ACSS1: variants seen among roughly 807,000 people sequenced by gnomAD.
ACSS1 encodes acetyl-coenzyme A synthetase 2-like, mitochondrial.
Under a neutral mutation model 75.3 loss-of-function variants are expected in ACSS1, and 42 were observed. The ratio of observed to expected loss-of-function variants is 0.56; its 90% CI spans 0.44 to 0.72. The LOEUF is 0.72. ACSS1 is among the 30% of genes least tolerant of loss of function. The probability of loss-of-function intolerance (pLI) is 0.00; values close to 1 mark genes in which losing one functional copy is unlikely to be tolerated. For synonymous variants in ACSS1, 380 were observed against 376.8 expected, an observed-to-expected ratio of 1.01 and a Z score of -0.10; for missense variants, 782 against 935.7, an observed-to-expected ratio of 0.84 and a Z score of 2.14.
intron 12 of ACSS1, 177 bp downstream of exon 12, chr20:25,012,424 C>A: frequency 1.3e-6 from 1 of 745,226 alleles, no homozygotes; most frequent in Non-Finnish European, 2.2e-6. Context: ...CCCGACCGAA[C>A]ACGAGTGCTA....
rs754037783 is a variant in ACSS1 at position 25,023,475 on chromosome 20, C to A, written c.798G>T (p.Pro266=). 1.9e-6 allele frequency: 3 copies of A among 1,614,070 alleles called. No homozygotes were observed. In the African/African-American group the frequency reaches 4.0e-5, roughly 22 times the overall value. Residue 266 remains proline (P), a synonymous_variant, in exon 4 of 14, where the codon CCG becomes CCT. Coordinates refer to ENST00000323482, the MANE Select transcript of ACSS1 (RefSeq NM_032501.4). ...AAGCGAGGTAACCCACCTGCTCCAG[C>A]GGGACGTCCAGATCCCCCATGTGGA... is the stretch of plus-strand genomic sequence containing the variant. ...NKVHMGDLDV[P]LEQEMAKEDP... is the part of the protein sequence containing the mutation.
chr20:25,016,919 G>A (rs964560904), intron 7 of ACSS1, among the ~76,000 whole-genome samples: 1 of 152,180 alleles, frequency 6.6e-6, no homozygotes, highest in African/African-American at 2.4e-5. Flanking sequence ...TAACTGCAGA[G>A]ACAGGGCCGA....
chr20:25,041,433 C>A (rs1464969407), intron 2 of ACSS1, among the ~76,000 whole-genome samples: 1 of 152,186 alleles, frequency 6.6e-6, no homozygotes, highest in East Asian at 1.9e-4. Flanking sequence ...GCACCGTACT[C>A]CCGGGCATAA....
intron 1 of ACSS1, among the ~76,000 whole-genome samples, chr20:25,054,893 G>A (rs2089222275): frequency 6.6e-6 from 1 of 152,248 alleles, no homozygotes; most frequent in African/African-American, 2.4e-5. Flanking sequence ...AACAAGGAGA[G>A]TGAAAGATAG....
rs775357421 is a variant in ACSS1 at position 25,013,504 on chromosome 20, A to C, written c.1579+32T>G. On this transcript the variant is annotated intron_variant, in intron 10 of 13. Transcript: ENST00000323482. The stretch of plus-strand genomic sequence containing the variant: ...ATAAGATTCCAGCAGTCAGCTGAAA[A>C]GGAATGAGAGGGTCCCTGACAGCCT... 6 of 1,557,510 alleles carry C rather than the reference A, an allele frequency of 3.9e-6. No homozygotes were observed. In the Admixed American group the frequency reaches 1.2e-4, roughly 31 times the overall value.
intron 6 of ACSS1, 97 bp from the exon 7 acceptor site, chr20:25,020,244 C>CA (rs2088597223): frequency 3.3e-6 from 5 of 1,533,948 alleles, no homozygotes; most frequent in Non-Finnish European, 4.5e-6. Context: ...TGGGCATGTG[C>CA]AGACGCGCAT....
intron 2 of ACSS1, among the ~76,000 whole-genome samples, chr20:25,035,429 A>G (rs1413633545): frequency 6.6e-6 from 1 of 150,396 alleles, no homozygotes; most frequent in Non-Finnish European, 1.5e-5. Context: ...TTTTTGAGAT[A>G]GAGTCTCACT....
chr20:25,015,879 A>G (rs1325410037), intron 7 of ACSS1, among the ~76,000 whole-genome samples: 1 of 152,178 alleles, frequency 6.6e-6, no homozygotes, highest in Non-Finnish European at 1.5e-5. Flanking sequence ...TACAACCAAT[A>G]CAACTACTCT....
At chr20:25,039,265 A>C (rs1367147155) in intron 2 of ACSS1, among the ~76,000 whole-genome samples, 1 of 152,144 alleles carries the variant, frequency 6.6e-6, no homozygotes, top group Admixed American at 6.5e-5. Flanking sequence ...GCAGGATTCA[A>C]ACCCAGGCCC....
intron 2 of ACSS1, among the ~76,000 whole-genome samples, chr20:25,039,390 C>T (rs1013845326): frequency 2.6e-5 from 4 of 152,212 alleles, no homozygotes; most frequent in African/African-American, 7.2e-5. Flanking sequence ...ATTCATGTAA[C>T]ATTTTTCTTG....
At chr20:25,027,063 C>A (rs987984629) in intron 3 of ACSS1, among the ~76,000 whole-genome samples, 1 of 152,226 alleles carries the variant, frequency 6.6e-6, no homozygotes, top group East Asian at 1.9e-4. Context: ...TCAACTATGG[C>A]AGCAGAATGT....
chr20:25,039,339 C>T (rs2088965455), intron 2 of ACSS1, among the ~76,000 whole-genome samples: 1 of 152,210 alleles, frequency 6.6e-6, no homozygotes, highest in African/African-American at 2.4e-5. Flanking sequence ...TGCAAAGGCT[C>T]CCAAACTTCA....
chr20:25,018,499 G>A lies in ACSS1; in HGVS notation c.1246+1511C>T, dbSNP rs2088559066. On this transcript the variant is annotated intron_variant, in intron 7 of 13. Coordinates refer to ENST00000323482, the MANE Select transcript of ACSS1 (RefSeq NM_032501.4). ...GGGACCTGTTGAGGGTACAGGGTGGGGGCACAGAGCCCATCAATCAGGTGG... is the reference window on the plus strand; with the variant it reads ...GGGACCTGTTGAGGGTACAGGGTGGAGGCACAGAGCCCATCAATCAGGTGG... 2.0e-5 allele frequency among the ~76,000 whole-genome samples: 3 copies of A among 152,110 alleles called. No homozygotes were observed. The South Asian group carries it at 6.2e-4, about 32-fold the overall frequency.
intron 12 of ACSS1, chr20:25,012,029 A>T (rs1225999844): frequency 6.5e-6 from 1 of 154,848 alleles, no homozygotes; most frequent in Non-Finnish European, 1.4e-5. Flanking sequence ...AGAAGCTGGC[A>T]GACTCGAAAC....
At chr20:25,026,555 A>G (rs1034571401) in intron 3 of ACSS1, among the ~76,000 whole-genome samples, 1 of 152,230 alleles carries the variant, frequency 6.6e-6, no homozygotes, top group African/African-American at 2.4e-5. Flanking sequence ...CAACCTGACT[A>G]ATGTCCCAGA....
rs1423342878 is a variant in ACSS1, at chr20:25,013,848, C to G, written c.1452+113G>C. On this transcript the variant is annotated intron_variant, in intron 9 of 13. Transcript: ENST00000323482. ...CCAGCTGCAGTGAACGCTGCAAGGT[C>G]AGCAGCCTCCTGCCAGGTACAGACC... The G allele has an allele frequency of 3.7e-6, 5 of 1,350,176 alleles. No individual in the cohort carries two copies. In the African/African-American group the frequency reaches 5.8e-5, roughly 16 times the overall value. The allele number at this position is 1,350,176 out of a possible 1,614,324, so 83.6% of individuals were successfully genotyped here.
intron 6 of ACSS1, among the ~76,000 whole-genome samples, chr20:25,020,516 T>C (rs2088604067): frequency 6.6e-6 from 1 of 152,232 alleles, no homozygotes; most frequent in African/African-American, 2.4e-5. Context: ...TGGTGACTGG[T>C]GCTTCCCCTG....
intron 1 of ACSS1, among the ~76,000 whole-genome samples, chr20:25,051,469 A>C (rs540320454): frequency 6.6e-6 from 1 of 152,206 alleles, no homozygotes; most frequent in African/African-American, 2.4e-5. Context: ...TTTTGGCCCA[A>C]ATCAGTGCTT....
chr20:25,051,633 G>A (rs2089175929), intron 1 of ACSS1, among the ~76,000 whole-genome samples: 2 of 152,202 alleles, frequency 1.3e-5, no homozygotes, highest in Non-Finnish European at 2.9e-5. Context: ...TGTGCACATG[G>A]ACCTACATGC....
Sources: gnomAD v4.1 joint callset for allele counts (sites outside exome capture counted in the v4.1 genomes callset) on GRCh38, gnomAD v4.1.1 for gene constraint, MANE v1.5 for transcripts, NCBI Gene and HGNC (gene_info 2026-07-23, HGNC 2026-07-21) for gene names.